COG6: variants seen among roughly 807,000 people sequenced by gnomAD.
COG6 encodes the protein conserved oligomeric Golgi complex subunit 6.
COG6 carries 74 observed loss-of-function variants against 88.8 expected under a neutral mutation model. The observed-to-expected ratio is 0.83, with a 90% CI of 0.69 to 1.01. The LOEUF (loss-of-function observed/expected upper bound fraction) is 1.01. Ranked by LOEUF, COG6 falls within the 50% of genes least tolerant of loss-of-function variation. The pLI is 0.00. For synonymous variants in COG6, 286 were observed against 278.7 expected (o/e 1.03, Z -0.26); for missense variants, 800 against 797.9 (o/e 1.00, Z -0.03).
chr13:39,784,918 G>A (rs1881728017), intron 18 of COG6, among the ~76,000 whole-genome samples: 1 of 152,170 alleles, frequency 6.6e-6, no homozygotes, highest in Admixed American at 6.6e-5. Context: ...GTGTCATTTG[G>A]TTGTGGGAAC....
intron 13 of COG6, among the ~76,000 whole-genome samples, chr13:39,700,641 G>A (rs1235711730): frequency 6.6e-6 from 1 of 151,818 alleles, no homozygotes; most frequent in African/African-American, 2.4e-5. Context: ...ACAAATATGT[G>A]CTAGCTGTTG....
chr13:39,687,572 A>T lies in COG6; in HGVS notation c.858A>T (p.Thr286=). Residue 286 remains threonine, a synonymous_variant, in exon 9 of 19, where the codon ACA becomes ACT. Coordinates refer to ENST00000455146, the MANE Select transcript of COG6 (RefSeq NM_020751.3). ...TTCGTGGATTTATTGATGCGCTCAC[A>T]AGAGGGGGCCCCGGAGGTACACCTA... ...TVVRGFIDAL[T]RGGPGGTPRP... is the part of the protein sequence containing the mutation. 6.2e-7 allele frequency: 1 copy of T among 1,613,876 alleles called. No homozygotes were observed. Among genetic ancestry groups the T allele is most frequent in the Non-Finnish European group, 8.5e-7 (1 of 1,179,968 alleles).
chr13:39,681,640 A>C (rs1040131039), intron 7 of COG6, among the ~76,000 whole-genome samples: 1 of 152,220 alleles, frequency 6.6e-6, no homozygotes, highest in Non-Finnish European at 1.5e-5. Flanking sequence ...TATACTAGGC[A>C]CTTGTGAGCA....
At chr13:39,724,661 C>A in intron 17 of COG6, 100 bp downstream of exon 17, 1 of 905,528 alleles carries the variant, frequency 1.1e-6, no homozygotes, top group East Asian at 2.4e-5. Context: ...CACTTTTTAT[C>A]TCTTGACATG....
At chr13:39,759,975 G>A (rs570163367) in intron 18 of COG6, among the ~76,000 whole-genome samples, 91 of 152,256 alleles carry the variant, frequency 6.0e-4, no homozygotes, top group African/African-American at 2.1e-3. Context: ...AACAGTGAAA[G>A]TTTAAGCCAG....
chr13:39,742,128 G>A (rs1036690857), intron 18 of COG6, among the ~76,000 whole-genome samples: 5 of 152,072 alleles, frequency 3.3e-5, no homozygotes, highest in South Asian at 2.1e-4. Flanking sequence ...AGGAACAGCC[G>A]GTACCAGCCA....
chr13:39,700,985 A>C (rs992671387), intron 13 of COG6, among the ~76,000 whole-genome samples: 2 of 151,912 alleles, frequency 1.3e-5, no homozygotes, highest in African/African-American at 2.4e-5. Flanking sequence ...TTACCTATAA[A>C]AGAATTTTTC....
chr13:39,659,413 G>A lies in COG6; in HGVS notation c.203G>A (p.Ser68Asn), dbSNP rs780705604. The change falls in exon 2 of 19, where the codon AGT becomes AAT. Residue 68 changes from serine to asparagine, a missense_variant. Physicochemically the swap from Ser to Asn is conservative, Grantham distance 46 (BLOSUM62 1). Coordinates refer to ENST00000455146, the MANE Select transcript of COG6 (RefSeq NM_020751.3). Reference sequence around the variant, plus strand: ...CTTTCAACCTTTTTTGTTGAAAATAGTCTGCGGACTCGAAGAAATTTACGT... The same window carrying A: ...CTTTCAACCTTTTTTGTTGAAAATAATCTGCGGACTCGAAGAAATTTACGT... ...KALSTFFVEN[S>N]LRTRRNLRGD... The A allele has an allele frequency of 6.7e-5, 108 of 1,613,532 alleles. 1 individual carries two copies. The South Asian group carries it at 1.2e-3, about 18-fold the overall frequency.
intron 18 of COG6, among the ~76,000 whole-genome samples, chr13:39,766,748 G>C (rs1881177613): frequency 6.6e-6 from 1 of 152,174 alleles, no homozygotes; most frequent in African/African-American, 2.4e-5. Context: ...GGGGATCTTG[G>C]CAAGGTTTGG....
chr13:39,686,266 A>G (rs536679695), intron 8 of COG6, among the ~76,000 whole-genome samples: 1 of 152,338 alleles, frequency 6.6e-6, no homozygotes, highest in African/African-American at 2.4e-5. Flanking sequence ...GACTGCTAAA[A>G]TATATTTTGT....
intron 17 of COG6, among the ~76,000 whole-genome samples, chr13:39,726,224 A>G (rs1357757530): frequency 1.3e-5 from 2 of 152,088 alleles, no homozygotes; most frequent in South Asian, 2.1e-4. Flanking sequence ...GTCCTCTTCC[A>G]GGCATTATTA....
At position 39,719,670 on chromosome 13, in the gene COG6, G is replaced by A. The variant is rs1227061765; in HGVS notation, c.1427G>A (p.Cys476Tyr). The change falls in exon 15 of 19, where the codon TGT becomes TAT. Residue 476 changes from cysteine to tyrosine, a missense_variant. Transcript: ENST00000455146. ...RQADFVQVLS[C>Y]VLDPLLQMCT... ...ATTTTTCATTTGTAGGTTTTATCAT[G>A]TGTCTTGGATCCTCTCCTACAGATG... The A allele has an allele frequency of 3.7e-6, 6 of 1,612,126 alleles. No homozygotes were observed. In the African/African-American group the frequency reaches 5.3e-5, roughly 14 times the overall value.
At chr13:39,667,116 G>A (rs1005109375) in intron 4 of COG6, among the ~76,000 whole-genome samples, 1 of 151,962 alleles carries the variant, frequency 6.6e-6, no homozygotes, top group Non-Finnish European at 1.5e-5. Flanking sequence ...GTAAGATTTT[G>A]TTTGAAAAAA....
chr13:39,708,050 T>C (rs1209705089), intron 13 of COG6, among the ~76,000 whole-genome samples: 1 of 152,202 alleles, frequency 6.6e-6, no homozygotes, highest in East Asian at 1.9e-4. Flanking sequence ...GTGATGTTGT[T>C]AGTCTTTTTA....
chr13:39,723,573 G>T, intron 16 of COG6, 133 bp downstream of exon 16: 1 of 667,732 alleles, frequency 1.5e-6, no homozygotes, highest in South Asian at 1.6e-5. Flanking sequence ...TTATTTTTCT[G>T]TATCTGTTTC....
At chr13:39,725,763 T>C (rs976154540) in intron 17 of COG6, among the ~76,000 whole-genome samples, 1 of 151,750 alleles carries the variant, frequency 6.6e-6, no homozygotes, top group Admixed American at 6.6e-5. Context: ...TAAATAAAAA[T>C]AGATGAAAAT....
chr13:39,684,182 G>C (rs1876486688), intron 8 of COG6, among the ~76,000 whole-genome samples: 1 of 148,398 alleles, frequency 6.7e-6, no homozygotes, highest in African/African-American at 2.5e-5. Flanking sequence ...AATAGGCAAA[G>C]AAGGTTTATC....
chr13:39,677,636 G>T, intron 5 of COG6, 57 bp downstream of exon 5: 1 of 1,026,508 alleles, frequency 9.7e-7, no homozygotes, highest in Non-Finnish European at 1.4e-6. Flanking sequence ...ATATTAGAGA[G>T]AAATTGCTTT....
At chr13:39,749,572 A>G (rs1368838127) in intron 18 of COG6, among the ~76,000 whole-genome samples, 4 of 152,236 alleles carry the variant, frequency 2.6e-5, no homozygotes, top group African/African-American at 7.2e-5. Context: ...GAACAGAAAA[A>G]GTGCCATGGA....
Sources: gnomAD v4.1 joint callset for allele counts (sites outside exome capture counted in the v4.1 genomes callset) on GRCh38, gnomAD v4.1.1 for gene constraint, MANE v1.5 for transcripts, NCBI Gene and HGNC (gene_info 2026-07-23, HGNC 2026-07-21) for gene names.